ANKRD36C: variants seen among roughly 807,000 people sequenced by gnomAD.
ANKRD36C encodes the protein ankyrin repeat domain 36C.
Under a neutral mutation model 276.4 loss-of-function variants are expected in ANKRD36C, and 61 were observed. The ratio of observed to expected loss-of-function variants is 0.22; its 90% CI spans 0.18 to 0.27. The LOEUF is 0.27. Among genes scored for constraint, ANKRD36C ranks in the 10% least tolerant of loss-of-function variants. The pLI, the probability that ANKRD36C is intolerant of heterozygous loss-of-function variation, is 1.00. For missense variants in ANKRD36C, 1,447 were observed against 2,032.3 expected, an observed-to-expected ratio of 0.71 and a Z score of 5.54; for synonymous variants, 483 against 680.1, an observed-to-expected ratio of 0.71 and a Z score of 4.51.
At chr2:95,907,605 G>GCAATATT (rs1676780919) in intron 42 of ANKRD36C, 1 of 142,224 alleles carries the variant, frequency 7.0e-6, no homozygotes, top group African/African-American at 2.6e-5. Context: ...AGAAATCACT[G>GCAATATT]CAATATTCAT....
chr2:95,861,319 C>A (rs1327747962), intron 60 of ANKRD36C, among the ~76,000 whole-genome samples: 1 of 151,120 alleles, frequency 6.6e-6, no homozygotes, highest in South Asian at 2.1e-4. Context: ...AAATTTGACA[C>A]GATAAACTGC....
chr2:95,865,326 C>T (rs995325108), intron 60 of ANKRD36C, among the ~76,000 whole-genome samples: 1 of 151,922 alleles, frequency 6.6e-6, no homozygotes, highest in Admixed American at 6.6e-5. Flanking sequence ...TTCCAACAAG[C>T]GAGCAGTCTT....
chr2:95,987,294 T>C, intron 1 of ANKRD36C, 88 bp from the exon 2 acceptor site: 1 of 1,479,128 alleles, frequency 6.8e-7, no homozygotes, highest in Non-Finnish European at 9.0e-7. Context: ...AATATGTAAT[T>C]TTCTTGTGAA....
intron 20 of ANKRD36C, among the ~76,000 whole-genome samples, chr2:95,939,472 G>A (rs375797309): frequency 0.053 from 5,647 of 105,738 alleles, no homozygotes; most frequent in African/African-American, 0.11. Context: ...TTGGGAGGCC[G>A]AGGCGGGCAG....
intron 50 of ANKRD36C, among the ~76,000 whole-genome samples, chr2:95,886,719 C>T (rs1349628148): frequency 6.6e-6 from 1 of 151,786 alleles, no homozygotes; most frequent in Non-Finnish European, 1.5e-5. Context: ...AATGACACTT[C>T]ACTTGAACAT....
intron 17 of ANKRD36C, among the ~76,000 whole-genome samples, chr2:95,946,816 C>A (rs1029991447): frequency 6.6e-6 from 1 of 151,632 alleles, no homozygotes; most frequent in Non-Finnish European, 1.5e-5. Flanking sequence ...GAACAAAAAA[C>A]CAAACACCGC....
exon 5 of ANKRD36C, chr2:95,980,727 G>C (rs1023107971): frequency 6.2e-7 from 1 of 1,610,840 alleles, no homozygotes; most frequent in African/African-American, 1.3e-5. Context: ...ATATTGTGCT[G>C]CAGAAGAAGA....
intron 64 of ANKRD36C, chr2:95,852,992 T>A (rs1026018151): frequency 1.3e-5 from 2 of 152,198 alleles, no homozygotes; most frequent in African/African-American, 4.8e-5. Flanking sequence ...AAATGCCCAC[T>A]TAACCAACCC....
intron 6 of ANKRD36C, among the ~76,000 whole-genome samples, chr2:95,965,753 C>A (rs1406064345): frequency 6.6e-6 from 1 of 151,982 alleles, no homozygotes; most frequent in Non-Finnish European, 1.5e-5. Flanking sequence ...AAATCAAATA[C>A]CTCACTGGGT....
At chr2:95,859,038 A>AC (rs1675496222) in intron 61 of ANKRD36C, among the ~76,000 whole-genome samples, 1 of 151,288 alleles carries the variant, frequency 6.6e-6, no homozygotes, top group Non-Finnish European at 1.5e-5. Context: ...AAAACTGGAT[A>AC]CTTTTTTTTT....
At chr2:95,930,741 A>T (rs867119093) in intron 24 of ANKRD36C, among the ~76,000 whole-genome samples, 39 of 151,140 alleles carry the variant, frequency 2.6e-4, no homozygotes, top group Middle Eastern at 3.4e-3. Flanking sequence ...CCTTTTTTTT[A>T]AAATCTAGTT....
chr2:95,875,337 A>G (rs1675918521), intron 59 of ANKRD36C, among the ~76,000 whole-genome samples: 1 of 152,246 alleles, frequency 6.6e-6, no homozygotes, highest in East Asian at 1.9e-4. Context: ...ACACCATGGA[A>G]TACTATGCAG....
chr2:95,960,245 GTTC>G (rs1479913249), intron 10 of ANKRD36C, among the ~76,000 whole-genome samples: 7 of 152,114 alleles, frequency 4.6e-5, no homozygotes, highest in African/African-American at 1.7e-4. Context: ...CTCTCCAATG[GTTC>G]TTCTTCCCAA....
At chr2:95,852,163 T>G in exon 65 of ANKRD36C, 2 of 1,608,782 alleles carry the variant, frequency 1.2e-6, no homozygotes, top group South Asian at 1.1e-5. Flanking sequence ...GTACATCTTA[T>G]AGTAGCTGTA....
chr2:95,855,803 T>C (rs1675398167), exon 63 of ANKRD36C: 1 of 1,613,872 alleles, frequency 6.2e-7, no homozygotes, highest in South Asian at 1.1e-5. Flanking sequence ...GCTCTTGGTC[T>C]CTTTTTGATG....
At chr2:95,849,621 A>G (rs1367699249), downstream of ANKRD36C, among the ~76,000 whole-genome samples, 5 of 152,240 alleles carry the variant, frequency 3.3e-5, no homozygotes, top group Admixed American at 3.3e-4. Context: ...ACAACTCATC[A>G]TAATGGAGAA....
chr2:95,936,651 C>G (rs1386014657), intron 22 of ANKRD36C, among the ~76,000 whole-genome samples: 1 of 151,588 alleles, frequency 6.6e-6, no homozygotes, highest in African/African-American at 2.4e-5. Flanking sequence ...CCCCAAACAC[C>G]TAGCCAGCTG....
At chr2:95,919,235 C>A (rs1435824558) in intron 34 of ANKRD36C, among the ~76,000 whole-genome samples, 3 of 133,860 alleles carry the variant, frequency 2.2e-5, no homozygotes, top group African/African-American at 7.6e-5. Context: ...TAAATAACTT[C>A]TTTTCCCTCC....
intron 59 of ANKRD36C, among the ~76,000 whole-genome samples, chr2:95,873,171 G>T (rs931223374): frequency 6.6e-6 from 1 of 152,126 alleles, no homozygotes; most frequent in Non-Finnish European, 1.5e-5. Context: ...ATTTTATGAG[G>T]CCAGCATCAT....
Sources: allele counts gnomAD v4.1 joint callset (sites outside exome capture counted in the v4.1 genomes callset), GRCh38; gene constraint gnomAD v4.1.1; transcripts MANE v1.5; gene names NCBI Gene and HGNC (gene_info 2026-07-23, HGNC 2026-07-21).